The following SPATA22 variants were observed in gnomAD, a reference collection of about 807,000 sequenced individuals.
SPATA22 encodes the protein spermatogenesis associated 22.
SPATA22 carries 29 observed loss-of-function variants against 47.8 expected under a neutral mutation model. That is an observed-to-expected ratio of 0.61 (90% CI 0.45 to 0.83). The LOEUF is 0.83. Ranked by LOEUF, SPATA22 falls within the 40% of genes least tolerant of loss-of-function variation. The pLI, the probability that SPATA22 is intolerant of heterozygous loss-of-function variation, is 0.00. For missense variants in SPATA22, 410 were observed against 421.7 expected (o/e 0.97, Z 0.24); for synonymous variants, 133 against 140.9 (o/e 0.94, Z 0.40).
At chr17:3,497,702 T>C (rs1360806151) in intron 1 of SPATA22, among the ~76,000 whole-genome samples, 1 of 152,158 alleles carries the variant, frequency 6.6e-6, no homozygotes, top group East Asian at 1.9e-4. Context: ...ACTAATGTCG[T>C]GCACGTGAAC....
intron 1 of SPATA22, chr17:3,502,197 A>T (rs2073998783): frequency 6.6e-6 from 1 of 152,252 alleles, no homozygotes; most frequent in Non-Finnish European, 1.5e-5. Context: ...AGCTCAAATG[A>T]TGGTTAGCTT....
At chr17:3,447,840 T>C (rs1459097055) in intron 6 of SPATA22, among the ~76,000 whole-genome samples, 1 of 152,132 alleles carries the variant, frequency 6.6e-6, no homozygotes, top group Non-Finnish European at 1.5e-5. Flanking sequence ...CACCCTATGA[T>C]GTCGTACCAG....
intron 1 of SPATA22, among the ~76,000 whole-genome samples, chr17:3,484,157 CATTCT>C (rs1158146419): frequency 1.4e-4 from 21 of 152,288 alleles, no homozygotes; most frequent in Admixed American, 1.4e-3. Context: ...CAATTCTTCT[CATTCT>C]CAAGATTCAG....
intron 1 of SPATA22, among the ~76,000 whole-genome samples, chr17:3,492,130 G>C (rs570569801): frequency 6.6e-6 from 1 of 152,268 alleles, no homozygotes; most frequent in African/African-American, 2.4e-5. Context: ...GCCTGCCTCG[G>C]CTTCCCAAAG....
At chr17:3,478,184 C>CA (rs1015063984) in intron 1 of SPATA22, among the ~76,000 whole-genome samples, 98 of 139,200 alleles carry the variant, frequency 7.0e-4, no homozygotes, top group Middle Eastern at 3.7e-3. Context: ...GACTCCGTCT[C>CA]AAAAAAAAAA....
chr17:3,503,913 A>T (rs1363118044), intron 1 of SPATA22, among the ~76,000 whole-genome samples: 1 of 152,156 alleles, frequency 6.6e-6, no homozygotes, highest in African/African-American at 2.4e-5. Flanking sequence ...CACAGAATAC[A>T]TACTTAACAA....
chr17:3,463,909 T>TCTCCCTCTCCCTCTC, intron 3 of SPATA22, among the ~76,000 whole-genome samples: 1 of 89,756 alleles, frequency 1.1e-5, no homozygotes, highest in East Asian at 3.0e-4. Flanking sequence ...AAAACACTGA[T>TCTCCCTCTCCCTCTC]CCTCTCCCTC....
chr17:3,443,310 T>C, intron 7 of SPATA22, 39 bp from the exon 8 acceptor site: 1 of 1,411,464 alleles, frequency 7.1e-7, no homozygotes, highest in Non-Finnish European at 9.8e-7. Context: ...TGAATGTTGG[T>C]AAACTGCAAA....
chr17:3,451,878 C>T (rs755783501), intron 5 of SPATA22, among the ~76,000 whole-genome samples: 2 of 150,114 alleles, frequency 1.3e-5, no homozygotes, highest in South Asian at 2.1e-4. Context: ...ACCTGGGAGG[C>T]GGAGATTGCA....
chr17:3,499,094 A>G (rs2150764369), intron 1 of SPATA22: 1 of 1,612,882 alleles, frequency 6.2e-7, no homozygotes. Context: ...ATTAGAAATC[A>G]CTTCCAGCTT....
intron 8 of SPATA22, 50 bp downstream of exon 8, chr17:3,443,124 T>A: frequency 1.6e-6 from 2 of 1,269,104 alleles, no homozygotes; most frequent in Non-Finnish European, 2.3e-6. Flanking sequence ...GCCTGCATGT[T>A]TATATTCTGT....
chr17:3,453,165 T>G (rs191136696), intron 5 of SPATA22, among the ~76,000 whole-genome samples: 1 of 152,236 alleles, frequency 6.6e-6, no homozygotes, highest in African/African-American at 2.4e-5. Flanking sequence ...ATCAAAAAAA[T>G]TACCTGTCGA....
chr17:3,453,538 C>T (rs1485814874), intron 5 of SPATA22, among the ~76,000 whole-genome samples: 2 of 152,088 alleles, frequency 1.3e-5, no homozygotes, highest in Admixed American at 6.5e-5. Context: ...CCACAGCTAA[C>T]ATCATAATGG....
intron 8 of SPATA22, chr17:3,440,635 T>A (rs148958404): frequency 1.6e-3 from 309 of 196,022 alleles, no homozygotes; most frequent in African/African-American, 6.6e-3. Flanking sequence ...TTTATCAGAT[T>A]CCCAGAGTTC....
intron 1 of SPATA22, among the ~76,000 whole-genome samples, chr17:3,487,747 A>G (rs1481602717): frequency 1.3e-5 from 2 of 152,208 alleles, no homozygotes; most frequent in Non-Finnish European, 2.9e-5. Context: ...TTCAACATTT[A>G]CTCTTGAAAT....
chr17:3,454,487 C>A (rs2072939017), intron 5 of SPATA22, among the ~76,000 whole-genome samples: 2 of 150,984 alleles, frequency 1.3e-5, no homozygotes, highest in African/African-American at 4.9e-5. Flanking sequence ...GTGTGATGTT[C>A]CCCTTCCTGT....
In SPATA22 at chr17:3,443,267, A is replaced by G. The variant is rs776870170; in HGVS notation, c.807T>C (p.Val269=). The change falls in exon 8 of 9, where the codon GTT becomes GTC. Residue 269 remains valine (V), a synonymous_variant. Coordinates refer to ENST00000572969, the MANE Select transcript of SPATA22 (RefSeq NM_001170698.2). ...KTVLLFEVLA[V]LDSAVTPGPY... ...GGCCAGGTGTAACAGCTGAATCAAG[A>G]ACAGCTAAGCAATATTGAAATGGGG... 1.2e-6 allele frequency: 2 copies of G among 1,603,888 alleles called. No individual in the cohort carries two copies. The highest frequency in any genetic ancestry group is 4.5e-5 in the East Asian group (2 of 44,664).
chr17:3,441,326 T>C (rs984542655), intron 8 of SPATA22: 11 of 151,948 alleles, frequency 7.2e-5, no homozygotes, highest in South Asian at 2.1e-4. Flanking sequence ...CTAGAATCAG[T>C]AAGAAAAAGA....
chr17:3,508,082 T>C (rs527832287), intron 1 of SPATA22, among the ~76,000 whole-genome samples: 30 of 152,252 alleles, frequency 2.0e-4, no homozygotes, highest in Admixed American at 1.2e-3. Flanking sequence ...AAGTAAATAA[T>C]TCACCAAATG....
Sources: allele counts gnomAD v4.1 joint callset (sites outside exome capture counted in the v4.1 genomes callset), GRCh38; gene constraint gnomAD v4.1.1; transcripts MANE v1.5; gene names NCBI Gene and HGNC (gene_info 2026-07-23, HGNC 2026-07-21).